The following EPS8L2 variants were observed in gnomAD, a reference collection of about 807,000 sequenced individuals.
EPS8L2 encodes EPS8 signaling adaptor L2.
In EPS8L2, 81 loss-of-function variants were observed where a neutral mutation model predicts 99.4. That is an observed-to-expected ratio of 0.82 (90% CI 0.68 to 0.98). The LOEUF is 0.98. EPS8L2 is among the 50% of genes least tolerant of loss of function. The pLI, the probability that EPS8L2 is intolerant of heterozygous loss-of-function variation, is 0.00. For synonymous variants in EPS8L2, 509 were observed against 407.3 expected, an observed-to-expected ratio of 1.25 and a Z score of -3.01; for missense variants, 1,155 against 968.8, an observed-to-expected ratio of 1.19 and a Z score of -2.55.
intron 1 of EPS8L2, chr11:709,117 G>A (rs1212688025): frequency 1.8e-6 from 1 of 563,734 alleles, no homozygotes; most frequent in Non-Finnish European, 3.2e-6. Context: ...TCCCTGTGGA[G>A]CACCTAGGGT....
intron 1 of EPS8L2, 37 bp from the exon 2 acceptor site, chr11:709,293 C>A (rs985031395): frequency 2.3e-6 from 3 of 1,276,936 alleles, no homozygotes; most frequent in Non-Finnish European, 3.3e-6. Context: ...CCAGCCAGGC[C>A]GGAGGAAGTG....
chr11:722,061 C>G lies in EPS8L2; in HGVS notation c.985-30C>G, dbSNP rs771815268. 7 of 1,611,318 alleles carry G rather than the reference C, an allele frequency of 4.3e-6. No homozygotes were observed. In the African/African-American group the frequency reaches 8.0e-5, roughly 18 times the overall value. On this transcript the variant is annotated intron_variant, in intron 11 of 20. Coordinates refer to ENST00000318562, the MANE Select transcript of EPS8L2 (RefSeq NM_022772.4). ...GGAGGGTGGAGGCCCCGCCCCGCCC[C>G]GGCACCTGCTCACTTGTTCCCACCC...
In EPS8L2 at chr11:721,610, C is replaced by T. The variant is rs766514830; in HGVS notation, c.814C>T (p.Arg272Trp). 45 of 1,573,828 alleles carry T rather than the reference C, an allele frequency of 2.9e-5. No homozygotes were observed. The highest frequency in any genetic ancestry group is 1.7e-4 in the Admixed American group (8 of 47,844). Residue 272 changes from arginine (R) to tryptophan (W), a missense_variant, in exon 10 of 21, where the codon CGG becomes TGG. Physicochemically the swap from Arg to Trp is moderately radical, Grantham distance 101. Coordinates refer to ENST00000318562, the MANE Select transcript of EPS8L2 (RefSeq NM_022772.4). ...ALDDIEWFVA[R>W]LQKAAEAFKQ... is the part of the protein sequence containing the mutation. ...GGACGACATCGAGTGGTTTGTGGCCCGGCTGCAGAAGGCAGCCGAGGCTTT... is the reference window on the plus strand; with the variant it reads ...GGACGACATCGAGTGGTTTGTGGCCTGGCTGCAGAAGGCAGCCGAGGCTTT...
In EPS8L2 at chr11:724,719, C is replaced by T. The variant is rs1353058884; in HGVS notation, c.1455-5C>T. The T allele has an allele frequency of 6.2e-7, 1 of 1,609,296 alleles. No individual in the cohort carries two copies. The highest frequency in any genetic ancestry group is 8.5e-7 in the Non-Finnish European group (1 of 1,176,426). On this transcript the variant is annotated splice_region_variant and splice_polypyrimidine_tract_variant and intron_variant, in intron 15 of 20. Transcript: ENST00000318562. The surrounding 1 kb of genome is among the most constrained non-coding windows in gnomAD (Gnocchi z 5.5). ...CTGGGCCTCAGCCCCTCCTGTTCCT[C>T]ACAGGGGCTACCAGCCAACACCAGC...
In EPS8L2 at chr11:727,173, C is replaced by G; in HGVS notation, c.*192C>G. ...ACAGTACCCAAGGCCTCAGCCCACA[C>G]CAAGACTAATCTCAGCCAAACCTGC... On this transcript the variant is annotated 3_prime_UTR_variant, in exon 21 of 21. Coordinates refer to ENST00000318562, the MANE Select transcript of EPS8L2 (RefSeq NM_022772.4). 5.5e-6 allele frequency: 3 copies of G among 545,184 alleles called. No homozygotes were observed. Among genetic ancestry groups the G allele is most frequent in the Non-Finnish European group, 9.8e-6 (3 of 306,636 alleles). 33.8% of individuals were successfully genotyped at this position (545,184 alleles called of 1,614,324 possible).
chr11:710,072 T>G, intron 3 of EPS8L2: 3 of 356,414 alleles, frequency 8.4e-6, no homozygotes, highest in Non-Finnish European at 1.6e-5. Context: ...GCAGGGAGAG[T>G]GAAGCTGGCA....
intron 3 of EPS8L2, 131 bp downstream of exon 3, chr11:709,739 G>A: frequency 1.9e-6 from 2 of 1,060,152 alleles, no homozygotes; most frequent in Non-Finnish European, 2.8e-6. Context: ...GCCCAGGGAG[G>A]CCTCTGGACC....
rs747196483 is a variant in EPS8L2, at chr11:722,478, C to T, written c.1137C>T (p.Phe379=). Residue 379 remains phenylalanine (F), a synonymous_variant, in exon 13 of 21, where the codon TTC becomes TTT. Transcript: ENST00000318562. ...TGCTCTCCCGAGATGCCGTGGACTT[C>T]CTGCGCGGCCACCTGGTCCCTAAGG... The part of the protein sequence containing the change: ...CPLLSRDAVD[F]LRGHLVPKEM... 7 of 1,613,514 alleles carry T rather than the reference C, an allele frequency of 4.3e-6. No homozygotes were observed. The South Asian group carries it at 5.5e-5, about 13-fold the overall frequency.
intron 5 of EPS8L2, 80 bp downstream of exon 5, chr11:720,303 G>A: frequency 6.7e-7 from 1 of 1,485,696 alleles, no homozygotes; most frequent in Non-Finnish European, 9.2e-7. Context: ...CGGATGTGCG[G>A]CCGGTCCTCT....
chr11:726,809 C>T (rs1267068945), intron 20 of EPS8L2, 58 bp downstream of exon 20: 2 of 1,579,822 alleles, frequency 1.3e-6, no homozygotes, highest in African/African-American at 1.3e-5. Context: ...CTCCTCTCCC[C>T]CGCCCGTTCC....
intron 1 of EPS8L2, chr11:706,892 G>C (rs1379919919): frequency 6.5e-6 from 1 of 152,776 alleles, no homozygotes; most frequent in East Asian, 1.9e-4. Flanking sequence ...GGAGAGGCAG[G>C]AGGGTGGGCT....
Position 710,406 on chromosome 11 carries a change from G to T in EPS8L2, c.101-16G>T. 1 of 1,613,056 alleles carries T rather than the reference G, an allele frequency of 6.2e-7. No individual in the cohort carries two copies. Among genetic ancestry groups the T allele is most frequent in the Middle Eastern group, 1.7e-4 (1 of 6,058 alleles). ...GTCCTGCCCGTCGGGGGAGTGACTG[G>T]TGTCTCCCGGTTCAGAGCAGAGGAA... On this transcript the variant is annotated splice_polypyrimidine_tract_variant and intron_variant, in intron 3 of 20. Transcript: ENST00000318562.
Position 709,386 on chromosome 11 carries a change from G to T in EPS8L2, c.-22G>T. ...CCACACTGAGGTCTGCCCTTCTCCC[G>T]CTGGCCGCCACCCAAGACACCATGA... On this transcript the variant is annotated 5_prime_UTR_variant, in exon 2 of 21. Coordinates refer to ENST00000318562, the MANE Select transcript of EPS8L2 (RefSeq NM_022772.4). The T allele has an allele frequency of 6.4e-7, 1 of 1,567,548 alleles. No individual in the cohort carries two copies.
At chr11:722,986 C>T (rs1320646130) in intron 14 of EPS8L2, among the ~76,000 whole-genome samples, 181 bp downstream of exon 14, 45 of 99,358 alleles carry the variant, frequency 4.5e-4, no homozygotes, top group African/African-American at 1.7e-3. Flanking sequence ...CTCCCCTCCC[C>T]GGCCCCGACA....
rs976851779 is a variant in EPS8L2 at position 714,686 on chromosome 11, G to A, written c.165+4200G>A. On this transcript the variant is annotated intron_variant, in intron 4 of 20. Transcript: ENST00000318562. ...TTTATTTTATTTTATTTTTTTTTGA[G>A]ACAGTCTCAATGTACTGGACCACAC... 4.2e-5 allele frequency among the ~76,000 whole-genome samples: 6 copies of A among 144,098 alleles called. No homozygotes were observed. The Admixed American group carries it at 4.2e-4, about 10-fold the overall frequency. The allele number at this position is 144,098 out of a possible 152,430, so 94.5% of individuals were successfully genotyped here. A position where few individuals can be genotyped will look rare whatever the true frequency, so the allele number is the denominator to read the frequency against.
intron 4 of EPS8L2, among the ~76,000 whole-genome samples, chr11:718,389 A>G (rs371046343): frequency 2.1e-4 from 32 of 152,312 alleles, no homozygotes; most frequent in Non-Finnish European, 3.7e-4. Context: ...ACAAAACACT[A>G]AAATAAAAGA....
In EPS8L2 at chr11:726,467, C is replaced by T. The variant is rs755698142; in HGVS notation, c.1917C>T (p.Ala639=). 1.3e-6 allele frequency: 2 copies of T among 1,568,936 alleles called. No individual in the cohort carries two copies. The highest frequency in any genetic ancestry group is 1.9e-5 in the Admixed American group (1 of 52,440). Residue 639 remains alanine, a synonymous_variant, in exon 19 of 21, where the codon GCC becomes GCT. Coordinates refer to ENST00000318562, the MANE Select transcript of EPS8L2 (RefSeq NM_022772.4). ...GPDEVRAWLE[A]KAFSPRIVEN... The stretch of plus-strand genomic sequence containing the variant: ...ACGAGGTCCGCGCCTGGCTGGAAGC[C>T]AAGGCCTTCAGCCCGCGGTGAGCGG...
intron 4 of EPS8L2, among the ~76,000 whole-genome samples, chr11:713,818 T>C (rs1861948885): frequency 6.6e-6 from 1 of 152,208 alleles, no homozygotes. Flanking sequence ...AGTGGTGGGA[T>C]TACAGGCGTG....
Position 720,766 on chromosome 11 carries a change from G to T in EPS8L2, c.477+20G>T. On this transcript the variant is annotated intron_variant, in intron 6 of 20. Transcript: ENST00000318562. ...GTGGAGGTGAGGCGGTGCCGGGCGG[G>T]GCAGGGTGGGGCCCCGCCGCGCCGC... 1 of 1,539,668 alleles carries T rather than the reference G, an allele frequency of 6.5e-7. No individual in the cohort carries two copies. Among genetic ancestry groups the T allele is most frequent in the Non-Finnish European group, 8.7e-7 (1 of 1,143,334 alleles).
Sources: gnomAD v4.1 joint callset for allele counts (sites outside exome capture counted in the v4.1 genomes callset) on GRCh38, gnomAD v4.1.1 for gene constraint, Gnocchi (gnomAD v3.1) non-coding constraint, MANE v1.5 for transcripts, NCBI Gene and HGNC (gene_info 2026-07-23, HGNC 2026-07-21) for gene names.